The following HELLS variants were observed in gnomAD, a reference collection of about 807,000 sequenced individuals.
The protein encoded by HELLS is lymphoid-specific helicase.
HELLS carries 32 observed loss-of-function variants against 120.0 expected under a neutral mutation model. The ratio of observed to expected loss-of-function variants is 0.27; its 90% CI spans 0.20 to 0.36. HELLS has a LOEUF of 0.36. Among genes scored for constraint, HELLS ranks in the 10% least tolerant of loss-of-function variants. The pLI is 1.00. For synonymous variants in HELLS, 341 were observed against 323.4 expected (o/e 1.05, Z -0.58); for missense variants, 650 against 993.4 (o/e 0.65, Z 4.65).
chr10:94,605,391 C>G (rs368269015), downstream of HELLS, among the ~76,000 whole-genome samples: 1 of 152,114 alleles, frequency 6.6e-6, no homozygotes, highest in South Asian at 2.1e-4. Context: ...CTGGATCTAA[C>G]TTTTTTTCCT....
At chr10:94,586,143 C>T (rs1198042061) in intron 12 of HELLS, among the ~76,000 whole-genome samples, 2 of 151,506 alleles carry the variant, frequency 1.3e-5, no homozygotes, top group African/African-American at 4.9e-5. Flanking sequence ...TTTTTTGAGA[C>T]AGAATCTTGC....
chr10:94,598,439 C>G (rs1191306388), intron 21 of HELLS, among the ~76,000 whole-genome samples: 2 of 152,170 alleles, frequency 1.3e-5, no homozygotes, highest in African/African-American at 4.8e-5. Flanking sequence ...GGATTATAGG[C>G]ATGAGCCATT....
Position 94,593,624 on chromosome 10 carries a change from G to A in HELLS, c.2088+9G>A. On this transcript the variant is annotated intron_variant, in intron 18 of 21. Coordinates refer to ENST00000348459, the MANE Select transcript of HELLS (RefSeq NM_018063.5). ...TTTATGATAGTGATTGGGTAAGTTGGAAGTATAGCAAGGAATATGCTGATT... is the reference window on the plus strand; with the variant it reads ...TTTATGATAGTGATTGGGTAAGTTGAAAGTATAGCAAGGAATATGCTGATT... The A allele has an allele frequency of 6.8e-7, 1 of 1,476,232 alleles. No individual in the cohort carries two copies. The highest frequency in any genetic ancestry group is 9.5e-7 in the Non-Finnish European group (1 of 1,054,534). The allele number at this position is 1,476,232 out of a possible 1,614,324, so 91.4% of individuals were successfully genotyped here.
chr10:94,580,185 A>T lies in HELLS; in HGVS notation c.1033-1141A>T, dbSNP rs76327350. 8.7e-3 allele frequency among the ~76,000 whole-genome samples: 601 copies of T among 69,320 alleles called. 4 individuals are homozygous for T. Among genetic ancestry groups the T allele is most frequent in the East Asian group, 0.019 (39 of 2,022 alleles). 45.5% of individuals were successfully genotyped at this position (69,320 alleles called of 152,430 possible). On this transcript the variant is annotated intron_variant, in intron 10 of 21. Coordinates refer to ENST00000348459, the MANE Select transcript of HELLS (RefSeq NM_018063.5). Reference sequence around the variant, plus strand: ...TATACACACACACACACACACACACATTTTTTTTTTTTTTTTTTTGAGACA... The same window carrying T: ...TATACACACACACACACACACACACTTTTTTTTTTTTTTTTTTTTGAGACA...
At chr10:94,574,344 G>A in intron 8 of HELLS, 157 bp downstream of exon 8, 1 of 700,538 alleles carries the variant, frequency 1.4e-6, no homozygotes, top group South Asian at 2.0e-5. Flanking sequence ...TGAATTTTTA[G>A]AAGTAGAAAT....
chr10:94,561,972 A>G (rs2134017198), intron 4 of HELLS, among the ~76,000 whole-genome samples: 1 of 151,548 alleles, frequency 6.6e-6, no homozygotes, highest in Middle Eastern at 3.4e-3. Flanking sequence ...TAGTAGAGAC[A>G]GGGTTTCACC....
intron 13 of HELLS, 74 bp from the exon 14 acceptor site, chr10:94,590,339 C>T: frequency 2.4e-6 from 3 of 1,260,310 alleles, no homozygotes; most frequent in South Asian, 1.5e-5. Context: ...TAAAATATGC[C>T]TTATTTTGTT....
downstream of HELLS, among the ~76,000 whole-genome samples, chr10:94,605,081 C>CA (rs1292771088): frequency 9.1e-5 from 12 of 131,952 alleles, no homozygotes; most frequent in Non-Finnish European, 6.6e-5. Flanking sequence ...CTCCCCCCCC[C>CA]CCCCTTTTTT....
intron 6 of HELLS, among the ~76,000 whole-genome samples, chr10:94,563,575 C>T (rs1254856462): frequency 2.0e-5 from 3 of 152,088 alleles, no homozygotes; most frequent in Non-Finnish European, 4.4e-5. Context: ...CAGCCTCGAC[C>T]TCATGGGCTC....
intron 3 of HELLS, among the ~76,000 whole-genome samples, chr10:94,554,644 G>GTTTTTTTT (rs199878580): frequency 1.9e-5 from 2 of 103,114 alleles, no homozygotes; most frequent in Non-Finnish European, 4.0e-5. Context: ...AAGTAATAGT[G>GTTTTTTTT]TTTTTTTTTT....
intron 2 of HELLS, among the ~76,000 whole-genome samples, chr10:94,552,883 G>A (rs1843055232): frequency 6.6e-6 from 1 of 152,184 alleles, no homozygotes; most frequent in African/African-American, 2.4e-5. Context: ...GGAGGCTGAG[G>A]TGGGAGGGTG....
At position 94,592,841 on chromosome 10, in the gene HELLS, G is replaced by GAA. The variant is rs1384426496; in HGVS notation, c.1971+337_1971+338dup. Among the ~76,000 whole-genome samples the GAA allele has an allele frequency of 1.3e-4, 18 of 137,550 alleles. 1 individual carries two copies. The South Asian group carries it at 4.3e-3, about 33-fold the overall frequency. 90.2% of individuals were successfully genotyped at this position (137,550 alleles called of 152,430 possible). ...AAAATATCAACTATATGGCAAAGTT[G>GAA]AAAAAAAAAAAGCAACTGTAAATCC... On this transcript the variant is annotated intron_variant, in intron 17 of 21. Transcript: ENST00000348459.
intron 6 of HELLS, among the ~76,000 whole-genome samples, chr10:94,566,555 T>C (rs532215538): frequency 6.6e-6 from 1 of 152,188 alleles, no homozygotes; most frequent in African/African-American, 2.4e-5. Flanking sequence ...TAGGAAGCTA[T>C]TGAAAGATTT....
intron 3 of HELLS, among the ~76,000 whole-genome samples, chr10:94,556,752 G>A (rs1203949859): frequency 1.3e-5 from 2 of 152,034 alleles, no homozygotes; most frequent in African/African-American, 4.8e-5. Context: ...TTTGAAATAC[G>A]TTTTTACTGG....
intron 6 of HELLS, among the ~76,000 whole-genome samples, chr10:94,564,127 T>G (rs1411446811): frequency 6.6e-6 from 1 of 152,120 alleles, no homozygotes; most frequent in Non-Finnish European, 1.5e-5. Flanking sequence ...GTTTTCTTAT[T>G]TGGGTTATTA....
intron 2 of HELLS, among the ~76,000 whole-genome samples, chr10:94,549,129 C>A (rs1437570630): frequency 6.6e-6 from 1 of 152,112 alleles, no homozygotes; most frequent in Non-Finnish European, 1.5e-5. Context: ...TTGCACTGGA[C>A]CCTCATAAAA....
exon 10 of HELLS, chr10:94,613,174 C>T (rs1846211316): frequency 6.6e-6 from 1 of 152,342 alleles, no homozygotes; most frequent in Admixed American, 6.5e-5. Context: ...TGTGAGTTTA[C>T]ACCCCTACCA....
chr10:94,547,639 A>G (rs193017581), intron 2 of HELLS, among the ~76,000 whole-genome samples: 17 of 152,350 alleles, frequency 1.1e-4, no homozygotes, highest in Non-Finnish European at 2.9e-5. Flanking sequence ...TATTACTGCT[A>G]TTAAACTTAC....
At chr10:94,579,840 CAGT>C (rs1310230633) in intron 10 of HELLS, among the ~76,000 whole-genome samples, 1 of 151,966 alleles carries the variant, frequency 6.6e-6, no homozygotes, top group Non-Finnish European at 1.5e-5. Context: ...GTTTTCTACT[CAGT>C]AGTATAACAT....
Sources: allele counts gnomAD v4.1 joint callset (sites outside exome capture counted in the v4.1 genomes callset), GRCh38; gene constraint gnomAD v4.1.1; transcripts MANE v1.5; gene names NCBI Gene and HGNC (gene_info 2026-07-23, HGNC 2026-07-21).